Variants in LINC00632 observed in about 807,000 individuals in gnomAD.
The protein encoded by LINC00632 is ALDOA related specific transcript.
rs749519899 is a variant in LINC00632 at position 140,783,929 on chromosome X, G to T, written n.11948G>T. On this transcript the variant is annotated non_coding_transcript_exon_variant, in exon 5 of 5. Coordinates refer to ENST00000648200, the Ensembl canonical transcript of LINC00632. ...CTGAAAATCTACGTCTTCCAAAAAAGCCATGTCTTCCAGAAAATCCACATC... is the reference window on the plus strand; with the variant it reads ...CTGAAAATCTACGTCTTCCAAAAAATCCATGTCTTCCAGAAAATCCACATC... The T allele has an allele frequency of 1.1e-5, 13 of 1,205,676 alleles. No individual in the cohort carries two copies. In the South Asian group the frequency reaches 2.3e-4, roughly 22 times the overall value.
intron 2 of LINC00632, among the ~76,000 whole-genome samples, chrX:140,724,385 GCA>G (rs1299810341): frequency 2.0e-3 from 3 of 1,496 alleles, no homozygotes; most frequent in Non-Finnish European, 2.7e-3. Flanking sequence ...CACAGTCCAT[GCA>G]CACACACAAA....
chrX:140,769,730 G>C (rs1481768862), intron 3 of LINC00632, among the ~76,000 whole-genome samples: 3 of 110,434 alleles, frequency 2.7e-5, no homozygotes, highest in African/African-American at 9.9e-5. Flanking sequence ...CTTTGTTTCA[G>C]CTTCATCCCT....
chrX:140,772,283 T>C (rs1931811499), exon 4 of LINC00632: 1 of 294,394 alleles, frequency 3.4e-6, no homozygotes, highest in East Asian at 4.8e-5. Context: ...TTACACTTGT[T>C]TCTACTCTTG....
chrX:140,772,116 G>T, exon 4 of LINC00632: 1 of 294,861 alleles, frequency 3.4e-6, no homozygotes, highest in South Asian at 2.3e-4. Context: ...GCCTGACCTT[G>T]ACTCCTGAGT....
intron 2 of LINC00632, among the ~76,000 whole-genome samples, chrX:140,723,554 TACACAG>T (rs1930790846): frequency 1.9e-3 from 2 of 1,071 alleles, no homozygotes; most frequent in East Asian, 0.048. Flanking sequence ...TCCATACACA[TACACAG>T]ACACACATTC....
chrX:140,723,541 CAT>C (rs1470104757), intron 2 of LINC00632, among the ~76,000 whole-genome samples: 3 of 27,842 alleles, frequency 1.1e-4, no homozygotes, highest in Non-Finnish European at 1.6e-4. Context: ...CACACACACA[CAT>C]TCCATACACA....
At chrX:140,717,863 G>A (rs955959525) in intron 2 of LINC00632, among the ~76,000 whole-genome samples, 6 of 111,578 alleles carry the variant, frequency 5.4e-5, no homozygotes, top group African/African-American at 2.0e-4. Flanking sequence ...TGGGCTGGGC[G>A]TGGTGGGTCA....
At chrX:140,775,803 T>C (rs1386413059) in exon 5 of LINC00632, among the ~76,000 whole-genome samples, 1 of 102,015 alleles carries the variant, frequency 9.8e-6, no homozygotes, top group African/African-American at 3.6e-5. Context: ...AGAGAGTAAA[T>C]TGAATTTGGT....
chrX:140,727,211 A>C (rs1483725650), intron 2 of LINC00632, among the ~76,000 whole-genome samples: 1 of 111,186 alleles, frequency 9.0e-6, no homozygotes, highest in Non-Finnish European at 1.9e-5. Context: ...TAACCACTCA[A>C]CACCTAGACC....
At chrX:140,780,412 G>A (rs1042391546) in exon 5 of LINC00632, among the ~76,000 whole-genome samples, 1 of 111,731 alleles carries the variant, frequency 9.0e-6, no homozygotes, top group Non-Finnish European at 1.9e-5. Flanking sequence ...TTCCTTGTCT[G>A]TAAGTTACTC....
chrX:140,723,797 C>G (rs757276743), intron 2 of LINC00632, among the ~76,000 whole-genome samples: 1 of 289 alleles, frequency 3.5e-3, no homozygotes, highest in African/African-American at 0.014. Flanking sequence ...CACATACATA[C>G]ACACACACAT....
intron 3 of LINC00632, among the ~76,000 whole-genome samples, chrX:140,765,548 T>G (rs1931674576): frequency 8.9e-6 from 1 of 112,120 alleles, no homozygotes; most frequent in Non-Finnish European, 1.9e-5. Context: ...GAGGGACGCC[T>G]CTATGCTTAG....
chrX:140,771,178 A>G (rs1417741477), intron 3 of LINC00632, among the ~76,000 whole-genome samples: 1 of 111,233 alleles, frequency 9.0e-6, no homozygotes, highest in Non-Finnish European at 1.9e-5. Context: ...GAATAAGTGA[A>G]CATATTTGTA....
chrX:140,759,120 A>C (rs1602748556), intron 3 of LINC00632, among the ~76,000 whole-genome samples: 1 of 102,526 alleles, frequency 9.8e-6, no homozygotes, highest in Admixed American at 1.0e-4. Context: ...ATGTGCCACC[A>C]TGCCCAGTTA....
exon 4 of LINC00632, chrX:140,772,136 G>A: frequency 3.4e-6 from 1 of 294,558 alleles, no homozygotes; most frequent in Non-Finnish European, 5.9e-6. Context: ...TTCCACGATC[G>A]CTTCACAACT....
chrX:140,763,248 C>T (rs1369772752), intron 3 of LINC00632, among the ~76,000 whole-genome samples: 1 of 110,006 alleles, frequency 9.1e-6, no homozygotes, highest in Non-Finnish European at 1.9e-5. Flanking sequence ...CAAAAAAATA[C>T]AAATATTAGC....
chrX:140,713,878 A>G, intron 2 of LINC00632: 1 of 287,369 alleles, frequency 3.5e-6, no homozygotes, highest in South Asian at 3.2e-5. Flanking sequence ...CAATCCCAAC[A>G]TCACACACTG....
At chrX:140,723,040 CAA>C (rs200591996) in intron 2 of LINC00632, among the ~76,000 whole-genome samples, 1 of 87,102 alleles carries the variant, frequency 1.1e-5, no homozygotes. Context: ...AACTCCATCT[CAA>C]AAAAAAAAAA....
At chrX:140,716,780 TACAC>T (rs200811174) in intron 2 of LINC00632, among the ~76,000 whole-genome samples, 10,659 of 89,663 alleles carry the variant, frequency 0.12, 618 homozygotes, top group African/African-American at 0.22. Context: ...GCCCACAACA[TACAC>T]ACACACACAC....
Sources: allele counts gnomAD v4.1 joint callset (sites outside exome capture counted in the v4.1 genomes callset), GRCh38; gene constraint gnomAD v4.1.1; transcripts MANE v1.5; gene names NCBI Gene and HGNC (gene_info 2026-07-23, HGNC 2026-07-21).